The following SMYD3 variants were observed in gnomAD, a reference collection of about 807,000 sequenced individuals.
SMYD3 encodes the protein SET and MYND domain containing 3, also known as histone-lysine N-methyltransferase SMYD3.
In SMYD3, 36 loss-of-function variants were observed where a neutral mutation model predicts 57.7. That is an observed-to-expected ratio of 0.62 (90% CI 0.48 to 0.82). The LOEUF (loss-of-function observed/expected upper bound fraction) is 0.82. SMYD3 is among the 40% of genes least tolerant of loss of function. The probability of loss-of-function intolerance (pLI) is 0.00; values close to 1 mark genes in which losing one functional copy is unlikely to be tolerated. For missense variants in SMYD3, 515 were observed against 538.8 expected, an observed-to-expected ratio of 0.96 and a Z score of 0.44; for synonymous variants, 211 against 195.0, an observed-to-expected ratio of 1.08 and a Z score of -0.68.
chr1:246,158,247 G>T lies in SMYD3; in HGVS notation c.531+168954C>A, dbSNP rs1303332706. On this transcript the variant is annotated intron_variant, in intron 5 of 11. Transcript: ENST00000490107. ...CATTGGTGCAAAATGAAACAGCTCCGTTGGTTTGTAATTGATGTATCTGAC... is the reference window on the plus strand; with the variant it reads ...CATTGGTGCAAAATGAAACAGCTCCTTTGGTTTGTAATTGATGTATCTGAC... 2.0e-5 allele frequency among the ~76,000 whole-genome samples: 3 copies of T among 152,158 alleles called. No individual in the cohort carries two copies. The East Asian group carries it at 5.8e-4, about 29-fold the overall frequency.
Position 245,876,506 on chromosome 1 carries a change from C to T in SMYD3, c.814-12620G>A, listed in dbSNP as rs75435140. Among the ~76,000 whole-genome samples, 520 of 152,360 alleles carry T rather than the reference C, an allele frequency of 3.4e-3. 6 individuals are homozygous for T. In the East Asian group the frequency reaches 0.047, roughly 14 times the overall value. ...TTCGTGCCGACATGGTTAAGACTTGCTGCAAGTATTGATGGTTTTGCTTTT... is the reference window on the plus strand; with the variant it reads ...TTCGTGCCGACATGGTTAAGACTTGTTGCAAGTATTGATGGTTTTGCTTTT... On this transcript the variant is annotated intron_variant, in intron 8 of 11. Coordinates refer to ENST00000490107, the MANE Select transcript of SMYD3 (RefSeq NM_001167740.2).
intron 5 of SMYD3, among the ~76,000 whole-genome samples, chr1:246,198,892 A>G (rs2062865296): frequency 6.6e-6 from 1 of 152,214 alleles, no homozygotes; most frequent in Non-Finnish European, 1.5e-5. Context: ...AAAGGCTGAG[A>G]GCAACTGGCT....
chr1:246,138,589 C>A (rs957012458), intron 5 of SMYD3, among the ~76,000 whole-genome samples: 1 of 124,544 alleles, frequency 8.0e-6, no homozygotes, highest in Non-Finnish European at 2.0e-5. Flanking sequence ...CCACGCCCGG[C>A]TAATTTTTTG....
intron 5 of SMYD3, among the ~76,000 whole-genome samples, chr1:245,963,885 T>C (rs115423543): frequency 0.015 from 2,255 of 152,304 alleles, 64 homozygotes; most frequent in African/African-American, 0.051. Flanking sequence ...TCCAGGGTCA[T>C]GGGCTCACTA....
chr1:245,797,583 G>A (rs1572360558), intron 10 of SMYD3, among the ~76,000 whole-genome samples: 1 of 151,404 alleles, frequency 6.6e-6, no homozygotes, highest in Non-Finnish European at 1.5e-5. Flanking sequence ...TAAATGACAA[G>A]TTAATGGGTG....
Position 246,377,473 on chromosome 1 carries a change from G to A in SMYD3, c.165-22379C>T, listed in dbSNP as rs565594116. On this transcript the variant is annotated intron_variant, in intron 1 of 11. Coordinates refer to ENST00000490107, the MANE Select transcript of SMYD3 (RefSeq NM_001167740.2). ...CAAACTCCGCCTCCCGGGTTCAAGC[G>A]ATTCTCCTGCCTCAGCCTCCCGAGT... Among the ~76,000 whole-genome samples, 139 of 151,312 alleles carry A rather than the reference G, an allele frequency of 9.2e-4. 2 individuals are homozygous for A. The highest frequency in any genetic ancestry group is 3.3e-3 in the African/African-American group (134 of 41,202).
intron 5 of SMYD3, among the ~76,000 whole-genome samples, chr1:246,040,057 G>T (rs977956078): frequency 1.3e-5 from 2 of 152,140 alleles, no homozygotes; most frequent in African/African-American, 4.8e-5. Context: ...CATTTCTCCC[G>T]GCTAGTATTA....
chr1:246,332,361 T>C (rs189285722), intron 3 of SMYD3, among the ~76,000 whole-genome samples: 2 of 152,314 alleles, frequency 1.3e-5, no homozygotes, highest in African/African-American at 2.4e-5. Flanking sequence ...GCCACAATAT[T>C]CCCTTGAGCC....
chr1:245,937,728 T>C (rs927240553), intron 5 of SMYD3, among the ~76,000 whole-genome samples: 3 of 152,236 alleles, frequency 2.0e-5, no homozygotes, highest in Non-Finnish European at 2.9e-5. Context: ...CTTTCTCCCA[T>C]GTATCGCACT....
chr1:245,930,163 G>T, intron 5 of SMYD3: 59 of 453,262 alleles, frequency 1.3e-4, no homozygotes, highest in East Asian at 8.1e-4. Flanking sequence ...CCTCCTGGGA[G>T]AAAAAAAAAA....
chr1:246,364,648 C>G (rs2066069020), intron 1 of SMYD3, among the ~76,000 whole-genome samples: 1 of 152,138 alleles, frequency 6.6e-6, no homozygotes, highest in Non-Finnish European at 1.5e-5. Flanking sequence ...ACATCAGGTA[C>G]CTCACCCCTG....
intron 5 of SMYD3, among the ~76,000 whole-genome samples, chr1:246,062,270 C>A (rs1323751895): frequency 6.6e-6 from 1 of 152,118 alleles, no homozygotes; most frequent in Non-Finnish European, 1.5e-5. Context: ...AGAGGTTAGT[C>A]ACTGATTTGG....
intron 5 of SMYD3, among the ~76,000 whole-genome samples, chr1:246,079,423 T>C (rs940363979): frequency 6.6e-6 from 1 of 152,242 alleles, no homozygotes; most frequent in African/African-American, 2.4e-5. Flanking sequence ...TACTTGGTGG[T>C]GTGAATTAGA....
chr1:246,085,457 G>C (rs1171347965), intron 5 of SMYD3, among the ~76,000 whole-genome samples: 1 of 151,986 alleles, frequency 6.6e-6, no homozygotes, highest in Non-Finnish European at 1.5e-5. Context: ...TCTTTCCTAC[G>C]TTTTATGACC....
chr1:246,098,260 T>A (rs1030056232), intron 5 of SMYD3, among the ~76,000 whole-genome samples: 5 of 152,204 alleles, frequency 3.3e-5, no homozygotes, highest in Non-Finnish European at 7.3e-5. Flanking sequence ...GCCTCTTGCA[T>A]GTCAATAGTT....
chr1:245,983,807 G>A (rs562089244), intron 5 of SMYD3, among the ~76,000 whole-genome samples: 11 of 152,224 alleles, frequency 7.2e-5, no homozygotes, highest in Admixed American at 2.0e-4. Context: ...GAATCGTTTC[G>A]GTTTCAAGGA....
At chr1:246,348,338 C>T (rs1488821826) in intron 2 of SMYD3, among the ~76,000 whole-genome samples, 2 of 151,628 alleles carry the variant, frequency 1.3e-5, no homozygotes, top group South Asian at 2.1e-4. Context: ...ATTACTTGAG[C>T]GTGGAAGGCA....
intron 5 of SMYD3, chr1:246,326,690 G>A (rs1258626942): frequency 6.7e-6 from 2 of 300,320 alleles, no homozygotes; most frequent in East Asian, 1.3e-4. Context: ...CTTGATTCTG[G>A]GAGGCGGAGA....
intron 5 of SMYD3, among the ~76,000 whole-genome samples, chr1:246,219,249 G>T (rs548192925): frequency 1.2e-4 from 18 of 151,992 alleles, no homozygotes; most frequent in African/African-American, 4.3e-4. Flanking sequence ...CCCACCCTGT[G>T]CCTATAAAAA....
Sources: allele counts gnomAD v4.1 joint callset (sites outside exome capture counted in the v4.1 genomes callset), GRCh38; gene constraint gnomAD v4.1.1; transcripts MANE v1.5; gene names NCBI Gene and HGNC (gene_info 2026-07-23, HGNC 2026-07-21).